Variants in EIF3D observed in about 807,000 individuals in gnomAD.
EIF3D encodes the protein eIF3 p66.
Under a neutral mutation model 75.4 loss-of-function variants are expected in EIF3D, and 10 were observed. That is an observed-to-expected ratio of 0.13 (90% CI 0.08 to 0.22). EIF3D has a LOEUF of 0.22. EIF3D is among the 10% of genes least tolerant of loss of function. The pLI, the probability that EIF3D is intolerant of heterozygous loss-of-function variation, is 1.00. For missense variants in EIF3D, 394 were observed against 708.0 expected (o/e 0.56, Z 5.03); for synonymous variants, 246 against 248.3 (o/e 0.99, Z 0.09).
Position 36,515,655 on chromosome 22 carries a change from G to A in EIF3D, c.1206+823C>T, listed in dbSNP as rs189939731. ...TATATAATACAGAAGTATGTATGGC[G>A]AAGAGAGCTGTCCAGGTGACTCCAC... On this transcript the variant is annotated intron_variant, in intron 12 of 14. Coordinates refer to ENST00000216190, the MANE Select transcript of EIF3D (RefSeq NM_003753.4). Among the ~76,000 whole-genome samples the A allele has an allele frequency of 5.1e-3, 774 of 152,302 alleles. 1 individual carries two copies. Among genetic ancestry groups the A allele is most frequent in the Non-Finnish European group, 6.4e-3 (434 of 68,028 alleles).
Position 36,525,802 on chromosome 22 carries a change from AAG to A in EIF3D, c.124-95_124-94del, listed in dbSNP as rs764438185. On this transcript the variant is annotated intron_variant, in intron 2 of 14. Transcript: ENST00000216190. ...CCCTGAGCGCGAGAGGACAGCGTGG[AAG>A]AGTCTCAGAATTTGTTCACAACACC... is the stretch of plus-strand genomic sequence containing the variant. The A allele has an allele frequency of 1.0e-4, 157 of 1,529,004 alleles. 1 individual carries two copies. The Middle Eastern group carries it at 1.5e-3, about 15-fold the overall frequency. 94.7% of individuals were successfully genotyped at this position (1,529,004 alleles called of 1,614,324 possible). A position where few individuals can be genotyped will look rare whatever the true frequency, so the allele number is the denominator to read the frequency against.
intron 12 of EIF3D, chr22:36,512,856 CGG>C (rs1934362934): frequency 1.0e-5 from 4 of 388,866 alleles, no homozygotes; most frequent in East Asian, 3.8e-5. Flanking sequence ...TGGACACACA[CGG>C]ACACACACAC....
chr22:36,526,403 T>C (rs1934600442), intron 1 of EIF3D, among the ~76,000 whole-genome samples: 1 of 152,232 alleles, frequency 6.6e-6, no homozygotes, highest in Admixed American at 6.5e-5. Flanking sequence ...AAAATGAGGC[T>C]GCACCTTGTG....
At chr22:36,526,613 C>CTTTTTTTTTTT (rs542035473) in intron 1 of EIF3D, among the ~76,000 whole-genome samples, 2 of 145,734 alleles carry the variant, frequency 1.4e-5, no homozygotes, top group African/African-American at 2.5e-5. Flanking sequence ...TTCTTTCTTT[C>CTTTTTTTTTTT]TTTTTTTTTT....
chr22:36,512,448 C>T lies in EIF3D; in HGVS notation c.1349+12G>A, dbSNP rs372711503. 1 of 1,613,888 alleles carries T rather than the reference C, an allele frequency of 6.2e-7. No individual in the cohort carries two copies. Among genetic ancestry groups the T allele is most frequent in the Non-Finnish European group, 8.5e-7 (1 of 1,179,810 alleles). On this transcript the variant is annotated intron_variant, in intron 13 of 14. Transcript: ENST00000216190. ...ACAAGATCAGCTGCCAGCTCCTGCA[C>T]AGGAATCTCACCCAAGCTTGAGGTA... is the stretch of plus-strand genomic sequence containing the variant.
At chr22:36,519,260 C>T (rs1202917328) in intron 8 of EIF3D, 145 bp downstream of exon 8, 2 of 1,212,412 alleles carry the variant, frequency 1.6e-6, no homozygotes, top group Non-Finnish European at 2.3e-6. Context: ...CTGTGCTTAA[C>T]ATCCACATTT....
rs756303516 is a variant in EIF3D, at chr22:36,517,372, T to C, written c.919A>G (p.Asn307Asp). The C allele has an allele frequency of 1.2e-6, 2 of 1,613,980 alleles. No homozygotes were observed. Among genetic ancestry groups the C allele is most frequent in the Non-Finnish European group, 1.7e-6 (2 of 1,179,910 alleles). The change falls in exon 10 of 15, where the codon AAT becomes GAT. Residue 307 changes from asparagine (N) to aspartate (D), a missense_variant. Coordinates refer to ENST00000216190, the MANE Select transcript of EIF3D (RefSeq NM_003753.4). ...EPPQDEGNSF[N>D]SPRNLAMEAT... ...TCCATGGCCAGGTTGCGGGGTGAATTGAAGGAATTACCTTCATCTTGAGGG... is the reference window on the plus strand; with the variant it reads ...TCCATGGCCAGGTTGCGGGGTGAATCGAAGGAATTACCTTCATCTTGAGGG...
chr22:36,526,996 T>C (rs911657987), intron 1 of EIF3D: 2 of 152,014 alleles, frequency 1.3e-5, no homozygotes, highest in Admixed American at 1.3e-4. Flanking sequence ...GTATATAGAG[T>C]GCTGAGAAAA....
chr22:36,517,937 T>G (rs9622409), intron 9 of EIF3D, among the ~76,000 whole-genome samples: 7 of 151,772 alleles, frequency 4.6e-5, no homozygotes, highest in Non-Finnish European at 7.4e-5. Context: ...TAGTAGAGAC[T>G]GGGTTTCACC....
intron 6 of EIF3D, among the ~76,000 whole-genome samples, chr22:36,521,996 G>C (rs887223416): frequency 3.3e-5 from 5 of 152,054 alleles, no homozygotes; most frequent in African/African-American, 1.2e-4. Flanking sequence ...AGCTGAACTT[G>C]AACAACATGG....
intron 3 of EIF3D, among the ~76,000 whole-genome samples, 187 bp from the exon 4 acceptor site, chr22:36,524,919 C>T (rs529903647): frequency 6.6e-6 from 1 of 152,190 alleles, no homozygotes; most frequent in Non-Finnish European, 1.5e-5. Flanking sequence ...TTAACAAGAT[C>T]CCCGGATGAT....
In EIF3D at chr22:36,524,707, A is replaced by G; in HGVS notation, c.195T>C (p.Gly65=). 1 of 1,614,224 alleles carries G rather than the reference A, an allele frequency of 6.2e-7. No individual in the cohort carries two copies. Among genetic ancestry groups the G allele is most frequent in the East Asian group, 2.2e-5 (1 of 44,890 alleles). The change falls in exon 4 of 15, where the codon GGT becomes GGC. Residue 65 remains glycine, a synonymous_variant. Coordinates refer to ENST00000216190, the MANE Select transcript of EIF3D (RefSeq NM_003753.4). ...YTNKYSSQFG[G]GSQYAYFHEE... The stretch of plus-strand genomic sequence containing the variant: ...CATGGAAATAAGCATATTGACTTCC[A>G]CCACCAAACTGAGAGGAGTACTTAT...
intron 12 of EIF3D, 80 bp downstream of exon 12, chr22:36,516,398 A>G (rs1934427291): frequency 4.0e-6 from 6 of 1,517,874 alleles, no homozygotes; most frequent in Non-Finnish European, 3.6e-6. Flanking sequence ...AACAGTTTAT[A>G]CAACCTAGCC....
At chr22:36,514,366 C>T (rs906590036) in intron 12 of EIF3D, among the ~76,000 whole-genome samples, 1 of 152,164 alleles carries the variant, frequency 6.6e-6, no homozygotes, top group Non-Finnish European at 1.5e-5. Flanking sequence ...CCCTTGACTA[C>T]GGGCAGAACC....
chr22:36,525,549 G>T, intron 3 of EIF3D, 115 bp downstream of exon 3: 1 of 1,185,388 alleles, frequency 8.4e-7, no homozygotes, highest in South Asian at 1.3e-5. Flanking sequence ...TAAAAGTTAT[G>T]AATTATTGTT....
intron 3 of EIF3D, among the ~76,000 whole-genome samples, chr22:36,525,249 T>A (rs1934580272): frequency 6.8e-6 from 1 of 147,464 alleles, no homozygotes; most frequent in Non-Finnish European, 1.5e-5. Context: ...CTTTTTTTTT[T>A]TTTTTTTTTT....
rs1934659080 is a variant in EIF3D, at chr22:36,529,107, C to T, written c.-42G>A. 1 of 394,704 alleles carries T rather than the reference C, an allele frequency of 2.5e-6. No homozygotes were observed. Among genetic ancestry groups the T allele is most frequent in the Admixed American group, 4.4e-5 (1 of 22,598 alleles). 24.5% of individuals were successfully genotyped at this position (394,704 alleles called of 1,614,324 possible). ...TGGCCTCGGCCGGCCGGGATGGCAA[C>T]AGATGGTGCGTGCCGGGGACCGCGT... On this transcript the variant is annotated 5_prime_UTR_variant, in exon 1 of 15. Coordinates refer to ENST00000216190, the MANE Select transcript of EIF3D (RefSeq NM_003753.4).
chr22:36,518,204 A>G (rs1176393456), intron 9 of EIF3D, among the ~76,000 whole-genome samples: 2 of 152,096 alleles, frequency 1.3e-5, no homozygotes, highest in African/African-American at 4.8e-5. Context: ...AATGAATAAC[A>G]TTTGGGCCAG....
At position 36,523,195 on chromosome 22, in the gene EIF3D, T is replaced by C. The variant is rs140273404; in HGVS notation, c.465+14A>G. 3 of 1,611,270 alleles carry C rather than the reference T, an allele frequency of 1.9e-6. No homozygotes were observed. Among genetic ancestry groups the C allele is most frequent in the Non-Finnish European group, 2.5e-6 (3 of 1,177,386 alleles). ...ACCAAATTCCAAGGCAGAATTCTGG[T>C]ATAAATACATTACCTGTGATTTCTG... On this transcript the variant is annotated intron_variant, in intron 6 of 14. Transcript: ENST00000216190.
Sources: allele counts gnomAD v4.1 joint callset (sites outside exome capture counted in the v4.1 genomes callset), GRCh38; gene constraint gnomAD v4.1.1; transcripts MANE v1.5; gene names NCBI Gene and HGNC (gene_info 2026-07-23, HGNC 2026-07-21).